The following RAB31 variants were observed in gnomAD, a reference collection of about 807,000 sequenced individuals.
The protein encoded by RAB31 is ras-related protein Rab-31.
Under a neutral mutation model 25.6 loss-of-function variants are expected in RAB31, and 21 were observed. That is an observed-to-expected ratio of 0.82 (90% confidence interval 0.58 to 1.18). RAB31 has a LOEUF of 1.18. Ranked by LOEUF, RAB31 falls within the 50% of genes most tolerant of loss-of-function variation. RAB31 has a pLI of 0.00. For missense variants in RAB31, 196 were observed against 250.1 expected (o/e 0.78, Z 1.46); for synonymous variants, 87 against 84.0 (o/e 1.04, Z -0.20).
intron 5 of RAB31, among the ~76,000 whole-genome samples, chr18:9,818,057 G>T (rs548799160): frequency 6.6e-6 from 1 of 152,266 alleles, no homozygotes; most frequent in East Asian, 1.9e-4. Context: ...TTAAAGTGTG[G>T]CATGTATATC....
rs531872005 is a variant in RAB31, at chr18:9,802,946, CAG to C, written c.201+10714_201+10715del. 1.9e-3 allele frequency among the ~76,000 whole-genome samples: 293 copies of C among 152,334 alleles called. 1 individual carries two copies. Among genetic ancestry groups the C allele is most frequent in the East Asian group, 0.012 (64 of 5,184 alleles). On this transcript the variant is annotated intron_variant, in intron 3 of 6. Coordinates refer to ENST00000578921, the MANE Select transcript of RAB31 (RefSeq NM_006868.4). Reference sequence around the variant, plus strand: ...ACTATTCATAGGCCATTAGTAAAGTCAGAGGAAATTTTGACCTTTGGAAGTTC... The same window carrying C: ...ACTATTCATAGGCCATTAGTAAAGTCAGGAAATTTTGACCTTTGGAAGTTC...
At position 9,708,441 on chromosome 18, in the gene RAB31, C is replaced by A. The variant is rs892869785; in HGVS notation, c.36C>A (p.Leu12=). 1.3e-6 allele frequency: 2 copies of A among 1,569,220 alleles called. No individual in the cohort carries two copies. The highest frequency in any genetic ancestry group is 1.7e-6 in the Non-Finnish European group (2 of 1,159,464). ...MAIRELKVCL[L]GDTGVGKSSI... ...TACGGGAGCTCAAAGTGTGCCTTCT[C>A]GGGGTGAGTCCTGGCCGCCACCCGC... The change falls in exon 1 of 7, where the codon CTC becomes CTA. Residue 12 remains leucine (L), a synonymous_variant. Transcript: ENST00000578921. The surrounding 1 kb of genome is among the most constrained non-coding windows in gnomAD (Gnocchi z 6.4).
intron 5 of RAB31, among the ~76,000 whole-genome samples, chr18:9,825,372 G>T (rs1265829715): frequency 6.6e-6 from 1 of 152,180 alleles, no homozygotes; most frequent in African/African-American, 2.4e-5. Context: ...CCTACAGGAC[G>T]CTGCATGTCC....
intron 5 of RAB31, among the ~76,000 whole-genome samples, chr18:9,840,384 A>G (rs188966411): frequency 8.5e-4 from 130 of 152,280 alleles, no homozygotes; most frequent in African/African-American, 3.0e-3. Context: ...TTGTTGAAAA[A>G]AAATAAACAA....
At chr18:9,761,207 C>T (rs1599027995) in intron 1 of RAB31, among the ~76,000 whole-genome samples, 1 of 152,170 alleles carries the variant, frequency 6.6e-6, no homozygotes, top group Non-Finnish European at 1.5e-5. Flanking sequence ...AGAGTAGACT[C>T]CTGTAGGAAT....
chr18:9,724,079 G>A (rs942943082), intron 1 of RAB31, among the ~76,000 whole-genome samples: 4 of 151,594 alleles, frequency 2.6e-5, no homozygotes, highest in East Asian at 1.9e-4. Context: ...AGACCATCCC[G>A]GCTAAAACGG....
intron 1 of RAB31, among the ~76,000 whole-genome samples, chr18:9,740,031 A>T (rs956759187): frequency 6.6e-6 from 1 of 152,218 alleles, no homozygotes; most frequent in Non-Finnish European, 1.5e-5. Flanking sequence ...TTCTGACCTC[A>T]GACCCTGGGG....
intron 1 of RAB31, among the ~76,000 whole-genome samples, chr18:9,741,438 A>G (rs898896331): frequency 4.6e-5 from 7 of 151,640 alleles, no homozygotes; most frequent in African/African-American, 1.7e-4. Context: ...ATTGTGGCAA[A>G]CTTCAGAATT....
intron 1 of RAB31, among the ~76,000 whole-genome samples, chr18:9,750,253 A>G (rs1461595499): frequency 6.6e-6 from 1 of 152,214 alleles, no homozygotes; most frequent in Admixed American, 6.5e-5. Context: ...GTTTGGATCT[A>G]GGATCAAGAT....
chr18:9,814,837 C>T, intron 4 of RAB31: 3 of 263,182 alleles, frequency 1.1e-5, no homozygotes, highest in South Asian at 9.0e-5. Flanking sequence ...ATGTGGAGTC[C>T]AGGCTATCAT....
intron 2 of RAB31, among the ~76,000 whole-genome samples, chr18:9,778,725 C>T (rs1035676404): frequency 2.0e-5 from 3 of 152,192 alleles, no homozygotes; most frequent in African/African-American, 7.2e-5. Flanking sequence ...CCCCCCTTGG[C>T]CTCCCAAAGT....
chr18:9,771,851 G>A (rs1275271530), intron 1 of RAB31, among the ~76,000 whole-genome samples: 1 of 152,250 alleles, frequency 6.6e-6, no homozygotes, highest in Non-Finnish European at 1.5e-5. Flanking sequence ...CCTATCAAGT[G>A]TGTAAGAATG....
rs72959319 is a variant in RAB31 at position 9,803,769 on chromosome 18, T to C, written c.202-10251T>C. Among the ~76,000 whole-genome samples, 575 of 152,030 alleles carry C rather than the reference T, an allele frequency of 3.8e-3. 4 individuals are homozygous for C. The highest frequency in any genetic ancestry group is 4.1e-3 in the Non-Finnish European group (278 of 67,974). On this transcript the variant is annotated intron_variant, in intron 3 of 6. Transcript: ENST00000578921. The stretch of plus-strand genomic sequence containing the variant: ...TACAAAAGCAAAGTGTGAGCAGAGG[T>C]ATTGGAGAGGGGCATGAGGGGACCC...
rs927294186 is a variant in RAB31 at position 9,813,900 on chromosome 18, A to T, written c.202-120A>T. 3 of 544,622 alleles carry T rather than the reference A, an allele frequency of 5.5e-6. No individual in the cohort carries two copies. In the African/African-American group the frequency reaches 5.7e-5, roughly 10 times the overall value. 33.7% of individuals were successfully genotyped at this position (544,622 alleles called of 1,614,324 possible). A position where few individuals can be genotyped will look rare whatever the true frequency, so the allele number is the denominator to read the frequency against. ...AAATAATATGAACCATGGAAAAATTATATAGGGAAGGAATTTAGGGATCCT... is the reference window on the plus strand; with the variant it reads ...AAATAATATGAACCATGGAAAAATTTTATAGGGAAGGAATTTAGGGATCCT... On this transcript the variant is annotated intron_variant, in intron 3 of 6. Coordinates refer to ENST00000578921, the MANE Select transcript of RAB31 (RefSeq NM_006868.4).
intron 6 of RAB31, among the ~76,000 whole-genome samples, chr18:9,852,592 C>CTT (rs201534961): frequency 1.4e-5 from 2 of 145,022 alleles, no homozygotes; most frequent in Non-Finnish European, 1.5e-5. Flanking sequence ...TGCTGAGTTC[C>CTT]TTTTTTTTTT....
chr18:9,778,424 G>C (rs540587615), intron 2 of RAB31, among the ~76,000 whole-genome samples: 4 of 152,244 alleles, frequency 2.6e-5, no homozygotes, highest in South Asian at 4.1e-4. Context: ...CGGGGATTAA[G>C]GGTGCTGAGC....
intron 3 of RAB31, among the ~76,000 whole-genome samples, chr18:9,796,000 T>A (rs1229622873): frequency 6.6e-6 from 1 of 151,866 alleles, no homozygotes; most frequent in African/African-American, 2.4e-5. Context: ...AATCAATGAG[T>A]GGATAAAGAA....
In RAB31 at chr18:9,708,620, A is replaced by T. The variant is rs1469557346; in HGVS notation, c.39+176A>T. On this transcript the variant is annotated intron_variant, in intron 1 of 6. Coordinates refer to ENST00000578921, the MANE Select transcript of RAB31 (RefSeq NM_006868.4). This position sits in a 1 kb window ranked among gnomAD's most constrained non-coding sequence, Gnocchi z 6.4. ...TTCCCCGGGTCCCCCTGGCTCCCCT[A>T]GTCCGTGCGCCCCTCGCTCTCCGCG... is the stretch of plus-strand genomic sequence containing the variant. 6.9e-6 allele frequency among the ~76,000 whole-genome samples: 1 copy of T among 145,320 alleles called. No individual in the cohort carries two copies. Among genetic ancestry groups the T allele is most frequent in the Non-Finnish European group, 1.5e-5 (1 of 65,776 alleles).
intron 1 of RAB31, chr18:9,734,889 G>A: frequency 3.5e-6 from 1 of 288,412 alleles, no homozygotes; most frequent in Non-Finnish European, 7.1e-6. Flanking sequence ...TCAGAATTGG[G>A]CCTTCATGAT....
Sources: allele counts gnomAD v4.1 joint callset (sites outside exome capture counted in the v4.1 genomes callset), GRCh38; gene constraint gnomAD v4.1.1; non-coding constraint Gnocchi (gnomAD v3.1); transcripts MANE v1.5; gene names NCBI Gene and HGNC (gene_info 2026-07-23, HGNC 2026-07-21).